Variants in PI4K2A observed in about 807,000 individuals in gnomAD.
PI4K2A encodes the protein phosphatidylinositol 4-kinase type 2-alpha.
Under a neutral mutation model 55.0 loss-of-function variants are expected in PI4K2A, and 20 were observed. The observed-to-expected ratio is 0.36, with a 90% CI of 0.26 to 0.53. PI4K2A has a LOEUF of 0.53. Ranked by LOEUF, PI4K2A falls within the 20% of genes least tolerant of loss-of-function variation. PI4K2A has a pLI of 0.91. For missense variants in PI4K2A, 463 were observed against 637.1 expected (o/e 0.73, Z 2.94); for synonymous variants, 235 against 258.5 (o/e 0.91, Z 0.87).
intron 1 of PI4K2A, among the ~76,000 whole-genome samples, chr10:97,642,842 C>T (rs774846735): frequency 0.18 from 3,550 of 19,398 alleles, 409 homozygotes; most frequent in Non-Finnish European, 0.32. Flanking sequence ...TTCCTTCCTT[C>T]CTTCCTTCCT....
intron 4 of PI4K2A, 47 bp downstream of exon 4, chr10:97,657,021 G>A: frequency 6.3e-7 from 1 of 1,597,890 alleles, no homozygotes. Context: ...ACTGTGTTGA[G>A]GCATGGGGAG....
chr10:97,662,897 C>T lies in PI4K2A; in HGVS notation c.923-10C>T, dbSNP rs2041592613. The T allele has an allele frequency of 1.9e-6, 3 of 1,589,692 alleles. No individual in the cohort carries two copies. The highest frequency in any genetic ancestry group is 2.6e-6 in the Non-Finnish European group (3 of 1,157,896). ...CCCTTTTTCTGCTAACTTTATATTT[C>T]TGTTCACAGATCGAGGCAATGACAA... On this transcript the variant is annotated splice_polypyrimidine_tract_variant and intron_variant, in intron 4 of 8. Transcript: ENST00000370631.
In PI4K2A at chr10:97,650,820, A is replaced by G. The variant is rs561155893; in HGVS notation, c.436-121A>G. 75 of 719,356 alleles carry G rather than the reference A, an allele frequency of 1.0e-4. 1 individual carries two copies. In the Middle Eastern group the frequency reaches 2.2e-3, roughly 22 times the overall value. The allele number at this position is 719,356 out of a possible 1,614,324, so 44.6% of individuals were successfully genotyped here. On this transcript the variant is annotated intron_variant, in intron 1 of 8. Coordinates refer to ENST00000370631, the Ensembl canonical transcript of PI4K2A. ...ACCAACTGGGAGAAACCTGAGTCCA[A>G]CTGTAAGTAGGAATTGTCTGCCTAT...
At chr10:97,647,171 T>G (rs958441793) in intron 1 of PI4K2A, among the ~76,000 whole-genome samples, 1 of 152,162 alleles carries the variant, frequency 6.6e-6, no homozygotes, top group Non-Finnish European at 1.5e-5. Flanking sequence ...CCCAACTTCA[T>G]GGACTGCTAC....
At chr10:97,665,791 G>C (rs897837562) in intron 6 of PI4K2A, among the ~76,000 whole-genome samples, 2 of 151,096 alleles carry the variant, frequency 1.3e-5, no homozygotes, top group African/African-American at 2.4e-5. Context: ...CAGGGTTTCA[G>C]TGTGTTAGCC....
At chr10:97,673,909 T>A in exon 9 of PI4K2A, 1 of 620,564 alleles carries the variant, frequency 1.6e-6, no homozygotes, top group Non-Finnish European at 2.8e-6. Flanking sequence ...AGAAGCACAA[T>A]CAGGAACAGT....
At position 97,656,166 on chromosome 10, in the gene PI4K2A, C is replaced by T. The variant is rs2041553297; in HGVS notation, c.637-119C>T. 4.9e-6 allele frequency: 4 copies of T among 823,368 alleles called. No homozygotes were observed. The highest frequency in any genetic ancestry group is 7.7e-6 in the Non-Finnish European group (4 of 516,462). 51.0% of individuals were successfully genotyped at this position (823,368 alleles called of 1,614,324 possible). Reference sequence around the variant, plus strand: ...TGCTGGGAAGGCTGAGAAATGTATTCTTTCTGTGCCCTGGAAGAGGAATAG... The same window carrying T: ...TGCTGGGAAGGCTGAGAAATGTATTTTTTCTGTGCCCTGGAAGAGGAATAG... On this transcript the variant is annotated intron_variant, in intron 2 of 8. Transcript: ENST00000370631. The surrounding 1 kb of genome is among the most constrained non-coding windows in gnomAD (Gnocchi z 4.5).
intron 4 of PI4K2A, among the ~76,000 whole-genome samples, chr10:97,657,524 C>T (rs184606267): frequency 2.6e-5 from 4 of 151,760 alleles, no homozygotes; most frequent in African/African-American, 4.8e-5. Context: ...AAAAATTAGC[C>T]GGGTGTGGTG....
At chr10:97,666,661 A>T in intron 7 of PI4K2A, 90 bp downstream of exon 7, 2 of 1,096,828 alleles carry the variant, frequency 1.8e-6, no homozygotes, top group South Asian at 3.0e-5. Flanking sequence ...GCCAAGAGGA[A>T]ATGGCTAACA....
intron 8 of PI4K2A, among the ~76,000 whole-genome samples, chr10:97,668,445 G>A (rs953018678): frequency 1.3e-5 from 2 of 152,152 alleles, no homozygotes; most frequent in Non-Finnish European, 2.9e-5. Context: ...ATGTGTGGTG[G>A]CGCACGCCTG....
At chr10:97,675,465 C>CG (rs1433985032) in exon 9 of PI4K2A, 2 of 152,712 alleles carry the variant, frequency 1.3e-5, no homozygotes, top group Non-Finnish European at 2.9e-5. Context: ...GCAGCTGACT[C>CG]GGACACTGGC....
chr10:97,673,187 C>T (rs374748186), intron 8 of PI4K2A, among the ~76,000 whole-genome samples: 20 of 151,902 alleles, frequency 1.3e-4, no homozygotes, highest in African/African-American at 4.3e-4. Flanking sequence ...GATGGGGTTT[C>T]GCCATGTTGG....
chr10:97,669,521 C>T (rs758071030), intron 8 of PI4K2A, among the ~76,000 whole-genome samples: 7 of 152,144 alleles, frequency 4.6e-5, no homozygotes, highest in Non-Finnish European at 7.4e-5. Flanking sequence ...CTAATGTCTT[C>T]AGAGGAGCTT....
chr10:97,645,320 G>A (rs2041499728), intron 1 of PI4K2A, among the ~76,000 whole-genome samples: 1 of 152,048 alleles, frequency 6.6e-6, no homozygotes, highest in Non-Finnish European at 1.5e-5. Flanking sequence ...GGCTATAAGA[G>A]TTGGTAGATG....
intron 5 of PI4K2A, among the ~76,000 whole-genome samples, chr10:97,664,400 C>G (rs2041600571): frequency 6.6e-6 from 1 of 152,204 alleles, no homozygotes; most frequent in African/African-American, 2.4e-5. Context: ...AGAACAGACT[C>G]CCTTGTGCAA....
exon 1 of PI4K2A, chr10:97,640,967 A>C (rs755426457): frequency 6.6e-7 from 1 of 1,522,586 alleles, no homozygotes; most frequent in Non-Finnish European, 8.8e-7. Flanking sequence ...GCCAGACCCA[A>C]ACCGTGGCGG....
chr10:97,642,707 G>A (rs369327018), intron 1 of PI4K2A, among the ~76,000 whole-genome samples: 1 of 152,006 alleles, frequency 6.6e-6, no homozygotes, highest in African/African-American at 2.4e-5. Flanking sequence ...TTAAATAAAA[G>A]AGCTTGCAAG....
intron 8 of PI4K2A, among the ~76,000 whole-genome samples, chr10:97,670,419 C>T (rs2041629226): frequency 6.6e-6 from 1 of 152,106 alleles, no homozygotes; most frequent in Non-Finnish European, 1.5e-5. Context: ...TATTTAACCA[C>T]ATTTATCTCA....
intron 1 of PI4K2A, among the ~76,000 whole-genome samples, chr10:97,642,685 C>G (rs182418253): frequency 2.0e-5 from 3 of 151,914 alleles, no homozygotes; most frequent in Non-Finnish European, 4.4e-5. Flanking sequence ...CCGCGCCCGG[C>G]CTCCAAGTTT....
Sources: allele counts gnomAD v4.1 joint callset (sites outside exome capture counted in the v4.1 genomes callset), GRCh38; gene constraint gnomAD v4.1.1; non-coding constraint Gnocchi (gnomAD v3.1); transcripts MANE v1.5; gene names NCBI Gene and HGNC (gene_info 2026-07-23, HGNC 2026-07-21).